PLXDC1: variants seen among roughly 807,000 people sequenced by gnomAD.
PLXDC1 encodes plexin domain containing 1, also known as plexin domain-containing protein 1.
PLXDC1 carries 39 observed loss-of-function variants against 61.3 expected under a neutral mutation model. The observed-to-expected ratio is 0.64, with a 90% CI of 0.49 to 0.83. The LOEUF is 0.83. Among genes scored for constraint, PLXDC1 ranks in the 40% least tolerant of loss-of-function variants. The probability of loss-of-function intolerance (pLI) is 0.00; values close to 1 mark genes in which losing one functional copy is unlikely to be tolerated. For synonymous variants in PLXDC1, 212 were observed against 254.5 expected (o/e 0.83, Z 1.59); for missense variants, 596 against 666.5 (o/e 0.89, Z 1.17).
chr17:39,076,581 G>A (rs62076611), intron 11 of PLXDC1, among the ~76,000 whole-genome samples: 6,345 of 151,368 alleles, frequency 0.042, 134 homozygotes, highest in East Asian at 0.095. Context: ...GTTTTAAAAT[G>A]TTAACTTTTT....
chr17:39,095,385 CCCAAG>C (rs1910143323), intron 7 of PLXDC1, among the ~76,000 whole-genome samples: 1 of 80,152 alleles, frequency 1.2e-5, no homozygotes, highest in Non-Finnish European at 2.8e-5. Context: ...CCCCCAACCC[CCCAAG>C]CCTGGGTTAT....
At chr17:39,086,225 G>A (rs1909735939) in intron 8 of PLXDC1, among the ~76,000 whole-genome samples, 1 of 152,154 alleles carries the variant, frequency 6.6e-6, no homozygotes, top group Non-Finnish European at 1.5e-5. Flanking sequence ...TGGTTCTCAG[G>A]CCCTGAGCCT....
rs567644930 is a variant in PLXDC1, at chr17:39,101,028, A to G, written c.811+4826T>C. Among the ~76,000 whole-genome samples, 3 of 152,350 alleles carry G rather than the reference A, an allele frequency of 2.0e-5. No homozygotes were observed. The East Asian group carries it at 5.8e-4, about 29-fold the overall frequency. On this transcript the variant is annotated intron_variant, in intron 7 of 13. Coordinates refer to ENST00000315392, the MANE Select transcript of PLXDC1 (RefSeq NM_020405.5). ...ATATCTAGGGTTGGAAATGGGCCTT[A>G]AAGGATAAGGTGATATCCACAGGGC...
intron 13 of PLXDC1, among the ~76,000 whole-genome samples, chr17:39,069,295 G>A (rs1368843385): frequency 6.6e-6 from 1 of 151,988 alleles, no homozygotes; most frequent in African/African-American, 2.4e-5. Context: ...TTGTAGAGAC[G>A]GGGTCTCACT....
intron 6 of PLXDC1, 25 bp downstream of exon 6, chr17:39,107,382 T>C: frequency 7.3e-7 from 1 of 1,365,444 alleles, no homozygotes; most frequent in Non-Finnish European, 1.0e-6. Flanking sequence ...AAGACCCAGC[T>C]GTCTCTGCAG....
At chr17:39,095,389 A>C (rs11658982) in intron 7 of PLXDC1, among the ~76,000 whole-genome samples, 835 of 5,244 alleles carry the variant, frequency 0.16, 105 homozygotes, top group Non-Finnish European at 0.25. Context: ...CAACCCCCCA[A>C]GCCTGGGTTA....
At chr17:39,106,652 C>CTTTT (rs367791150) in intron 6 of PLXDC1, among the ~76,000 whole-genome samples, 2 of 139,890 alleles carry the variant, frequency 1.4e-5, no homozygotes, top group Non-Finnish European at 3.0e-5. Context: ...CTTTTTCTTT[C>CTTTT]TTTTTTTTTT....
At chr17:39,138,022 G>A (rs765100154) in intron 2 of PLXDC1, among the ~76,000 whole-genome samples, 11 of 151,964 alleles carry the variant, frequency 7.2e-5, no homozygotes, top group Non-Finnish European at 1.5e-4. Context: ...AGCCTTGACC[G>A]CCCAGGCTCA....
chr17:39,108,220 G>A lies in PLXDC1; in HGVS notation c.495C>T (p.Ile165=). Residue 165 remains isoleucine (I), a synonymous_variant, in exon 5 of 14, where the codon ATC becomes ATT. Transcript: ENST00000315392. ...ACTGAGTAGCTGTGAGCATCCGATG[G>A]ATCACGTCCCCCATGAAGATGAAGC... ...TGGFIFMGDV[I]HRMLTATQYV... 3 of 1,614,104 alleles carry A rather than the reference G, an allele frequency of 1.9e-6. No homozygotes were observed. Among genetic ancestry groups the A allele is most frequent in the Non-Finnish European group, 2.5e-6 (3 of 1,180,000 alleles).
At chr17:39,072,549 G>T in intron 11 of PLXDC1, 64 bp from the exon 12 acceptor site, 1 of 1,027,482 alleles carries the variant, frequency 9.7e-7, no homozygotes, top group Non-Finnish European at 1.5e-6. Flanking sequence ...GTCACTCTGA[G>T]TCCAGATGGG....
In PLXDC1 at chr17:39,128,227, A is replaced by T. The variant is rs541107202; in HGVS notation, c.255+11427T>A. Among the ~76,000 whole-genome samples the T allele has an allele frequency of 3.9e-3, 578 of 147,868 alleles. 2 individuals carry two copies. The highest frequency in any genetic ancestry group is 0.031 in the Middle Eastern group (9 of 286). On this transcript the variant is annotated intron_variant, in intron 2 of 13. Coordinates refer to ENST00000315392, the MANE Select transcript of PLXDC1 (RefSeq NM_020405.5). ...TATATATGTGTGTGTGTATATATATATTTTTTTGAGACAGAGTTTCACTCT... is the reference window on the plus strand; with the variant it reads ...TATATATGTGTGTGTGTATATATATTTTTTTTTGAGACAGAGTTTCACTCT...
At chr17:39,091,194 G>T (rs1464100972) in intron 7 of PLXDC1, among the ~76,000 whole-genome samples, 1 of 152,184 alleles carries the variant, frequency 6.6e-6, no homozygotes, top group Non-Finnish European at 1.5e-5. Context: ...TGGGAGCAGT[G>T]GGGGACGGCA....
At position 39,071,388 on chromosome 17, in the gene PLXDC1, A is replaced by G. The variant is rs536915217; in HGVS notation, c.1222+1062T>C. ...ATAGCTAGTGGGTGGGTTGGGAGGGAACTAGGGGTGGCAAGTTTTAATGGG... is the reference window on the plus strand; with the variant it reads ...ATAGCTAGTGGGTGGGTTGGGAGGGGACTAGGGGTGGCAAGTTTTAATGGG... On this transcript the variant is annotated intron_variant, in intron 12 of 13. Transcript: ENST00000315392. Among the ~76,000 whole-genome samples, 12 of 151,530 alleles carry G rather than the reference A, an allele frequency of 7.9e-5. No individual in the cohort carries two copies. In the East Asian group the frequency reaches 2.0e-3, roughly 25 times the overall value.
chr17:39,144,484 C>A (rs922697096), intron 1 of PLXDC1, among the ~76,000 whole-genome samples: 1 of 152,232 alleles, frequency 6.6e-6, no homozygotes, highest in African/African-American at 2.4e-5. Flanking sequence ...ACATCTGTTT[C>A]CTGGCCACCC....
Position 39,139,104 on chromosome 17 carries a change from C to G in PLXDC1, c.255+550G>C, listed in dbSNP as rs1311304248. Among the ~76,000 whole-genome samples the G allele has an allele frequency of 2.0e-5, 3 of 152,308 alleles. No individual in the cohort carries two copies. The South Asian group carries it at 6.2e-4, about 32-fold the overall frequency. ...CCGGAAACCCTGAGAGAAGAGCACT[C>G]CCTCCAGGCCTCTCCTCCCTGTGCC... On this transcript the variant is annotated intron_variant, in intron 2 of 13. Transcript: ENST00000315392.
upstream of PLXDC1, chr17:39,152,576 G>C (rs541136365): frequency 1.6e-6 from 2 of 1,248,628 alleles, no homozygotes; most frequent in Admixed American, 8.3e-5. Flanking sequence ...GAGCTGGGGC[G>C]CTGGAGAGTG....
At chr17:39,072,745 G>A (rs978181610) in intron 11 of PLXDC1, among the ~76,000 whole-genome samples, 9 of 152,196 alleles carry the variant, frequency 5.9e-5, no homozygotes, top group African/African-American at 2.2e-4. Context: ...AGGAGGCCAT[G>A]CACGTTCTTC....
At chr17:39,116,770 G>A (rs528413618) in intron 2 of PLXDC1, among the ~76,000 whole-genome samples, 3 of 152,362 alleles carry the variant, frequency 2.0e-5, no homozygotes, top group East Asian at 1.9e-4. Context: ...GATGATCCTC[G>A]TGTCATCAGG....
intron 8 of PLXDC1, among the ~76,000 whole-genome samples, chr17:39,085,410 G>C (rs1049764960): frequency 6.6e-6 from 1 of 152,230 alleles, no homozygotes; most frequent in Non-Finnish European, 1.5e-5. Context: ...CAGAGGGTCT[G>C]GAACAGTGCC....
Sources: gnomAD v4.1 joint callset for allele counts (sites outside exome capture counted in the v4.1 genomes callset) on GRCh38, gnomAD v4.1.1 for gene constraint, MANE v1.5 for transcripts, NCBI Gene and HGNC (gene_info 2026-07-23, HGNC 2026-07-21) for gene names.